The following ZFAT variants were observed in gnomAD, a reference collection of about 807,000 sequenced individuals.
ZFAT encodes zinc finger protein ZFAT.
ZFAT carries 64 observed loss-of-function variants against 117.7 expected under a neutral mutation model. That is an observed-to-expected ratio of 0.54 (90% CI 0.44 to 0.67). The LOEUF is 0.67. Ranked by LOEUF, ZFAT falls within the 30% of genes least tolerant of loss-of-function variation. The pLI is 0.00. For missense variants in ZFAT, 1,433 were observed against 1,584.5 expected (o/e 0.90, Z 1.62); for synonymous variants, 679 against 615.0 (o/e 1.10, Z -1.54).
At chr8:134,679,126 G>GA (rs1481708293) in intron 1 of ZFAT, among the ~76,000 whole-genome samples, 1 of 152,132 alleles carries the variant, frequency 6.6e-6, no homozygotes, top group Non-Finnish European at 1.5e-5. Context: ...CACAGCAAAA[G>GA]AAACTATCAT....
intron 11 of ZFAT, among the ~76,000 whole-genome samples, chr8:134,537,749 G>A (rs573152412): frequency 6.9e-4 from 105 of 152,282 alleles, no homozygotes; most frequent in African/African-American, 2.5e-3. Context: ...TGGTATGGAC[G>A]AGAGATGCTA....
chr8:134,738,732 G>C, the ZFAT span, among the ~76,000 whole-genome samples: 1 of 152,154 alleles, frequency 6.6e-6, no homozygotes, highest in Admixed American at 6.5e-5. Flanking sequence ...TGAACGAGGA[G>C]GGGGAGGTAA....
chr8:134,683,345 C>G (rs902753159), intron 1 of ZFAT, among the ~76,000 whole-genome samples: 1 of 152,184 alleles, frequency 6.6e-6, no homozygotes, highest in African/African-American at 2.4e-5. Flanking sequence ...GGTTCCACAG[C>G]TACTTGATGA....
At chr8:134,704,909 A>T (rs528724337) in intron 1 of ZFAT, among the ~76,000 whole-genome samples, 1 of 152,276 alleles carries the variant, frequency 6.6e-6, no homozygotes, top group South Asian at 2.1e-4. Flanking sequence ...AAAAAAAACA[A>T]AAAAACTTAG....
chr8:134,622,406 G>A (rs1829182932), intron 3 of ZFAT, among the ~76,000 whole-genome samples: 2 of 152,208 alleles, frequency 1.3e-5, no homozygotes, highest in Non-Finnish European at 2.9e-5. Context: ...CCTTAAAGAG[G>A]GAAGCAGATG....
rs546350188 is a variant in ZFAT at position 134,550,530 on chromosome 8, A to C, written c.2976+14803T>G. On this transcript the variant is annotated intron_variant, in intron 11 of 15. Coordinates refer to ENST00000377838, the MANE Select transcript of ZFAT (RefSeq NM_020863.4). ...TATCTCATCACAATAAATAACAGTA[A>C]ATCAATCCACACTAATTGCCTTTTG... Among the ~76,000 whole-genome samples, 7 of 152,344 alleles carry C rather than the reference A, an allele frequency of 4.6e-5. No homozygotes were observed. The South Asian group carries it at 1.5e-3, about 32-fold the overall frequency.
chr8:134,738,243 C>T, the ZFAT span, among the ~76,000 whole-genome samples: 2 of 152,154 alleles, frequency 1.3e-5, no homozygotes, highest in African/African-American at 4.8e-5. Flanking sequence ...CCCACCTAGC[C>T]TCCTCTCTCA....
At chr8:134,645,636 G>A (rs17777778) in intron 2 of ZFAT, among the ~76,000 whole-genome samples, 4,492 of 152,254 alleles carry the variant, frequency 0.03, 117 homozygotes, top group Non-Finnish European at 0.044. Flanking sequence ...CATCAAATCA[G>A]CTGGGCCTAA....
chr8:134,569,595 T>G (rs886919038), intron 10 of ZFAT, among the ~76,000 whole-genome samples: 4 of 152,146 alleles, frequency 2.6e-5, no homozygotes, highest in Admixed American at 1.3e-4. Flanking sequence ...GGGTTCTTTC[T>G]TCTATGCTAC....
At chr8:134,795,553 T>C in the ZFAT span, 2 of 152,210 alleles carry the variant, frequency 1.3e-5, no homozygotes, top group Non-Finnish European at 2.9e-5. Flanking sequence ...TTAAGTATCA[T>C]TTTCATTGGG....
At chr8:134,827,754 T>G in the ZFAT span, among the ~76,000 whole-genome samples, 1 of 143,644 alleles carries the variant, frequency 7.0e-6, no homozygotes, top group Non-Finnish European at 1.5e-5. Context: ...GGTGACAGAG[T>G]GAGACTCTGT....
the ZFAT span, among the ~76,000 whole-genome samples, chr8:134,726,455 A>G: frequency 5.4e-4 from 82 of 152,312 alleles, no homozygotes; most frequent in African/African-American, 1.9e-3. Flanking sequence ...TTACCAGTCG[A>G]GTGTTCCTAG....
Position 134,643,044 on chromosome 8 carries a change from C to T in ZFAT, c.197-5332G>A, listed in dbSNP as rs181048733. ...TACCAGCCATATCGTGGAAATGCCA[C>T]GTAAATAATGGTGATAACTAATCAT... On this transcript the variant is annotated intron_variant, in intron 2 of 15. Transcript: ENST00000377838. Among the ~76,000 whole-genome samples the T allele has an allele frequency of 2.4e-3, 359 of 152,318 alleles. 1 individual carries two copies. The highest frequency in any genetic ancestry group is 8.2e-3 in the African/African-American group (343 of 41,576).
intron 15 of ZFAT, among the ~76,000 whole-genome samples, chr8:134,508,035 C>T (rs1461274068): frequency 6.6e-6 from 1 of 152,188 alleles, no homozygotes; most frequent in Admixed American, 6.5e-5. Context: ...TCTCAGCCAA[C>T]GCAGATACCA....
chr8:134,800,473 G>GTATA, the ZFAT span: 1 of 475,812 alleles, frequency 2.1e-6, no homozygotes, highest in South Asian at 1.6e-5. Context: ...TCAAGCCTCT[G>GTATA]TATACTATTC....
intron 12 of ZFAT, among the ~76,000 whole-genome samples, chr8:134,527,059 C>T (rs570322713): frequency 6.8e-6 from 1 of 147,752 alleles, no homozygotes; most frequent in South Asian, 2.1e-4. Context: ...GGGCCTAATG[C>T]TATCACAGGG....
rs1487391356 is a variant in ZFAT at position 134,601,493 on chromosome 8, C to T, written c.2226G>A (p.Leu742=). 1.2e-6 allele frequency: 2 copies of T among 1,612,186 alleles called. No homozygotes were observed. Among genetic ancestry groups the T allele is most frequent in the Admixed American group, 3.3e-5 (2 of 59,944 alleles). The stretch of plus-strand genomic sequence containing the variant: ...TTTCCTTACCACAGTATTCACACTC[C>T]AGGTCTCCATAAACCTTCCGGATCC... ...CERIRKVYGD[L]ECEYCGKLFW... Residue 742 remains leucine (L), a synonymous_variant, in exon 6 of 16, where the codon CTG becomes CTA. Coordinates refer to ENST00000377838, the MANE Select transcript of ZFAT (RefSeq NM_020863.4).
chr8:134,679,241 A>C (rs932245573), intron 1 of ZFAT, among the ~76,000 whole-genome samples: 11 of 152,238 alleles, frequency 7.2e-5, no homozygotes, highest in Non-Finnish European at 1.5e-4. Flanking sequence ...CAAGTTTACA[A>C]GAAAAAAACA....
chr8:134,589,961 G>A (rs1052593763), intron 8 of ZFAT, among the ~76,000 whole-genome samples: 1 of 152,170 alleles, frequency 6.6e-6, no homozygotes, highest in African/African-American at 2.4e-5. Context: ...ACAAGCTTAT[G>A]ACAACAGCCC....
Sources: allele counts gnomAD v4.1 joint callset (sites outside exome capture counted in the v4.1 genomes callset), GRCh38; gene constraint gnomAD v4.1.1; transcripts MANE v1.5; gene names NCBI Gene and HGNC (gene_info 2026-07-23, HGNC 2026-07-21).